KMT2C: variants seen among roughly 807,000 people sequenced by gnomAD.
The protein encoded by KMT2C is lysine methyltransferase 2C, also known as histone-lysine N-methyltransferase 2C.
KMT2C carries 88 observed loss-of-function variants against 507.9 expected under a neutral mutation model. The observed-to-expected ratio is 0.17, with a 90% CI of 0.15 to 0.21. KMT2C has a LOEUF of 0.21. KMT2C is among the 10% of genes least tolerant of loss of function. The probability of loss-of-function intolerance (pLI) is 1.00; values close to 1 mark genes in which losing one functional copy is unlikely to be tolerated. For synonymous variants in KMT2C, 2,049 were observed against 2,080.8 expected, an observed-to-expected ratio of 0.98 and a Z score of 0.42; for missense variants, 4,954 against 5,957.8, an observed-to-expected ratio of 0.83 and a Z score of 5.55.
intron 9 of KMT2C, among the ~76,000 whole-genome samples, chr7:152,253,999 T>C (rs1453861241): frequency 1.3e-5 from 2 of 152,130 alleles, no homozygotes; most frequent in Non-Finnish European, 2.9e-5. Flanking sequence ...AAAAGGGAAC[T>C]TTATCTTTCT....
chr7:152,296,378 G>C (rs998026575), intron 6 of KMT2C, among the ~76,000 whole-genome samples: 3 of 150,728 alleles, frequency 2.0e-5, no homozygotes, highest in Non-Finnish European at 4.4e-5. Flanking sequence ...AGGTTGCAGT[G>C]AGCCGAGATC....
At position 152,167,151 on chromosome 7, in the gene KMT2C, C is replaced by G. The variant is rs1410501490; in HGVS notation, c.9745G>C (p.Glu3249Gln). 1.9e-6 allele frequency: 3 copies of G among 1,613,236 alleles called. No homozygotes were observed. The highest frequency in any genetic ancestry group is 2.5e-6 in the Non-Finnish European group (3 of 1,179,238). ...EQQSMVQKQL[E>Q]QIRKQQKEHA... ...TTTGCAAACCTATTTATTACCTGTT[C>G]TAGCTGTTTCTGAACCATGCTTTGC... The change falls in exon 42 of 59, where the codon GAA (glutamate) becomes CAA (glutamine). Residue 3249 changes from glutamate to glutamine, a missense_variant. Coordinates refer to ENST00000262189, the MANE Select transcript of KMT2C (RefSeq NM_170606.3).
intron 9 of KMT2C, among the ~76,000 whole-genome samples, chr7:152,255,011 C>T (rs1194481261): frequency 6.7e-6 from 1 of 149,852 alleles, no homozygotes; most frequent in African/African-American, 2.5e-5. Flanking sequence ...TTATAAAACA[C>T]TCCTAAAAGA....
Position 152,287,400 on chromosome 7 carries a change from G to A in KMT2C, c.850-13533C>T, listed in dbSNP as rs199563380. Among the ~76,000 whole-genome samples, 408 of 152,220 alleles carry A rather than the reference G, an allele frequency of 2.7e-3. 7 individuals carry two copies. The highest frequency in any genetic ancestry group is 0.016 in the East Asian group (81 of 5,174). On this transcript the variant is annotated intron_variant, in intron 6 of 58. Coordinates refer to ENST00000262189, the MANE Select transcript of KMT2C (RefSeq NM_170606.3). ...CCTACTCAGCATTTACTAGGTGTAC[G>A]TCTCCATCAATGAGTCAACAAAGGC...
chr7:152,255,142 T>TATATATATATATACATAC (rs1273227523), intron 9 of KMT2C, among the ~76,000 whole-genome samples: 1 of 126,372 alleles, frequency 7.9e-6, no homozygotes, highest in Non-Finnish European at 1.6e-5. Flanking sequence ...TATATATATA[T>TATATATATATATACATAC]ATACATATAT....
At chr7:152,227,936 C>T (rs911805426) in intron 18 of KMT2C, among the ~76,000 whole-genome samples, 1 of 152,138 alleles carries the variant, frequency 6.6e-6, no homozygotes, top group African/African-American at 2.4e-5. Flanking sequence ...CCCAGAAAGG[C>T]CAAGTCTTAA....
At position 152,364,609 on chromosome 7, in the gene KMT2C, C is replaced by CAAAA. The variant is rs568794506; in HGVS notation, c.162-5938_162-5935dup. The stretch of plus-strand genomic sequence containing the variant: ...GGGTGACAGAGCGAGACTCCGTCTC[C>CAAAA]AAAAAAAAAAAGAAAAGAAAAAAAG... On this transcript the variant is annotated intron_variant, in intron 1 of 58. Coordinates refer to ENST00000262189, the MANE Select transcript of KMT2C (RefSeq NM_170606.3). 9.6e-3 allele frequency among the ~76,000 whole-genome samples: 876 copies of CAAAA among 90,818 alleles called. 19 individuals are homozygous for CAAAA. Among genetic ancestry groups the CAAAA allele is most frequent in the African/African-American group, 0.041 (842 of 20,568 alleles). The allele number at this position is 90,818 out of a possible 152,430, so 59.6% of individuals were successfully genotyped here.
In KMT2C at chr7:152,183,112, T is replaced by C. The variant is rs2093488148; in HGVS notation, c.5127A>G (p.Val1709=). 3.1e-6 allele frequency: 5 copies of C among 1,610,856 alleles called. No homozygotes were observed. Among genetic ancestry groups the C allele is most frequent in the Non-Finnish European group, 4.2e-6 (5 of 1,178,978 alleles). ...TTTTCATGGAATCATTTGACATCTGTACTTTATTAATGCGTAAAGCAGCTC... is the reference window on the plus strand; with the variant it reads ...TTTTCATGGAATCATTTGACATCTGCACTTTATTAATGCGTAAAGCAGCTC... ...DNRAALRINK[V]QMSNDSMKRQ... is the part of the protein sequence containing the mutation. Residue 1709 remains valine, a synonymous_variant, in exon 35 of 59, where the codon GTA becomes GTG. Transcript: ENST00000262189.
chr7:152,181,707 T>G lies in KMT2C; in HGVS notation c.6153A>C (p.Pro2051=). 1 of 1,614,020 alleles carries G rather than the reference T, an allele frequency of 6.2e-7. No individual in the cohort carries two copies. The highest frequency in any genetic ancestry group is 8.5e-7 in the Non-Finnish European group (1 of 1,180,004). The change falls in exon 36 of 59, where the codon CCA becomes CCC. Residue 2051 remains proline, a synonymous_variant. Transcript: ENST00000262189. ...CTGATCCATAAGGATCCTGAGAGGA[T>G]GGAGGAGGTTGCATTGGAGTCTTAA... is the stretch of plus-strand genomic sequence containing the variant. ...GPFKTPMQPP[P]SSQDPYGSVS... is the part of the protein sequence containing the mutation.
At chr7:152,412,157 T>G (rs1288339005) in intron 1 of KMT2C, among the ~76,000 whole-genome samples, 2 of 152,024 alleles carry the variant, frequency 1.3e-5, no homozygotes, top group Admixed American at 6.6e-5. Context: ...ATCCCAGCAG[T>G]TTAGGAGGCC....
intron 50 of KMT2C, among the ~76,000 whole-genome samples, 165 bp from the exon 51 acceptor site, chr7:152,151,172 G>A (rs1287114883): frequency 6.6e-6 from 1 of 152,144 alleles, no homozygotes; most frequent in Admixed American, 6.5e-5. Flanking sequence ...AATTTAGCTA[G>A]GGAAAAAATA....
chr7:152,149,051 G>A lies in KMT2C; in HGVS notation c.12876C>T (p.Leu4292=), dbSNP rs771391220. Residue 4292 remains leucine (L), a synonymous_variant, in exon 52 of 59, where the codon CTC becomes CTT. Coordinates refer to ENST00000262189, the MANE Select transcript of KMT2C (RefSeq NM_170606.3). ...GAGAAGCTTTCTCTGGGAGCTGGGG[G>A]AGACAGTGCACATCCAAAGTGGAGA... ...NNISTLDVHC[L]PQLPEKASPP... 3.3e-6 allele frequency: 5 copies of A among 1,530,998 alleles called. No individual in the cohort carries two copies. The highest frequency in any genetic ancestry group is 3.5e-6 in the Non-Finnish European group (4 of 1,143,870). 94.8% of individuals were successfully genotyped at this position (1,530,998 alleles called of 1,614,324 possible).
intron 1 of KMT2C, among the ~76,000 whole-genome samples, chr7:152,434,394 A>G (rs983511539): frequency 6.6e-6 from 1 of 152,228 alleles, no homozygotes; most frequent in Admixed American, 6.5e-5. Flanking sequence ...ATTCAAGTCA[A>G]GAGCTCAATG....
rs115644906 is a variant in KMT2C at position 152,428,975 on chromosome 7, C to T, written c.161+6651G>A. On this transcript the variant is annotated intron_variant, in intron 1 of 58. Transcript: ENST00000262189. ...CTATCACAGCTTGGCCTCACCACTA[C>T]ACACAGCCTCTGTTCTAGTCACACA... Among the ~76,000 whole-genome samples the T allele has an allele frequency of 8.1e-3, 1,233 of 152,304 alleles. 19 individuals are homozygous for T. The highest frequency in any genetic ancestry group is 0.029 in the African/African-American group (1,188 of 41,556).
intron 38 of KMT2C, among the ~76,000 whole-genome samples, chr7:152,175,232 G>A (rs61008519): frequency 0.011 from 1,717 of 150,756 alleles, 31 homozygotes; most frequent in African/African-American, 0.04. Flanking sequence ...TGCAACTTCC[G>A]CCTCCTGGGT....
chr7:152,309,726 G>A (rs1389096981), intron 6 of KMT2C, among the ~76,000 whole-genome samples: 1 of 151,554 alleles, frequency 6.6e-6, no homozygotes, highest in Admixed American at 6.6e-5. Context: ...TTACCATGTT[G>A]GCCAGGCTAG....
intron 26 of KMT2C, among the ~76,000 whole-genome samples, chr7:152,201,303 C>CACACAG (rs937363514): frequency 3.4e-5 from 5 of 145,214 alleles, no homozygotes; most frequent in African/African-American, 1.4e-4. Flanking sequence ...GACACACACA[C>CACACAG]ACACACACAC....
At position 152,391,142 on chromosome 7, in the gene KMT2C, CAAAAAAAAAAA is replaced by C. The variant is rs1195125465; in HGVS notation, c.162-32478_162-32468del. ...CTGGGCGACAGAGTGAGACTGTCTC[CAAAAAAAAAAA>C]AAAAAAAAAAAAAAGCCTTAAAATC... On this transcript the variant is annotated intron_variant, in intron 1 of 58. Transcript: ENST00000262189. Among the ~76,000 whole-genome samples, 18 of 34,764 alleles carry C rather than the reference CAAAAAAAAAAA, an allele frequency of 5.2e-4. No homozygotes were observed. The East Asian group carries it at 0.014, about 27-fold the overall frequency. 22.8% of individuals were successfully genotyped at this position (34,764 alleles called of 152,430 possible).
Position 152,187,466 on chromosome 7 carries a change from A to G in KMT2C, c.4804T>C (p.Ser1602Pro). 6.2e-7 allele frequency: 1 copy of G among 1,612,208 alleles called. No individual in the cohort carries two copies. The highest frequency in any genetic ancestry group is 1.1e-5 in the South Asian group (1 of 90,896). The change falls in exon 33 of 59, where the codon TCA (serine) becomes CCA (proline). Residue 1602 changes from serine (S) to proline (P), a missense_variant. Transcript: ENST00000262189. Reference protein sequence around the residue: ...SSYPDARDKNSAFNPMASDPN... With the variant: ...SSYPDARDKNPAFNPMASDPN... ...TCACTTGCCATTGGATTAAAGGCTGAATTTTTATCCCTGGGAAAAAATAAA... is the reference window on the plus strand; with the variant it reads ...TCACTTGCCATTGGATTAAAGGCTGGATTTTTATCCCTGGGAAAAAATAAA...
Sources: allele counts gnomAD v4.1 joint callset (sites outside exome capture counted in the v4.1 genomes callset), GRCh38; gene constraint gnomAD v4.1.1; transcripts MANE v1.5; gene names NCBI Gene and HGNC (gene_info 2026-07-23, HGNC 2026-07-21).